PKP4: variants seen among roughly 807,000 people sequenced by gnomAD.
PKP4 encodes the protein plakophilin-4.
Under a neutral mutation model 145.1 loss-of-function variants are expected in PKP4, and 90 were observed. The ratio of observed to expected loss-of-function variants is 0.62; its 90% CI spans 0.52 to 0.74. The LOEUF is 0.74. Ranked by LOEUF, PKP4 falls within the 30% of genes least tolerant of loss-of-function variation. PKP4 has a pLI of 0.00. For synonymous variants in PKP4, 563 were observed against 577.2 expected, an observed-to-expected ratio of 0.98 and a Z score of 0.35; for missense variants, 1,340 against 1,482.7, an observed-to-expected ratio of 0.90 and a Z score of 1.58.
intron 1 of PKP4, among the ~76,000 whole-genome samples, chr2:158,529,764 C>G (rs531047191): frequency 4.3e-4 from 65 of 152,234 alleles, no homozygotes; most frequent in Non-Finnish European, 5.9e-4. Context: ...AAATACAGGA[C>G]CTTGTATTTA....
At chr2:158,565,178 A>C (rs10933491) in intron 2 of PKP4, among the ~76,000 whole-genome samples, 1 of 151,916 alleles carries the variant, frequency 6.6e-6, no homozygotes, top group Non-Finnish European at 1.5e-5. Flanking sequence ...TAGAGTGCCC[A>C]ACCCACAGAT....
intron 3 of PKP4, among the ~76,000 whole-genome samples, chr2:158,585,359 AGAAAAGAACTGGTTTATTTTAAT>A (rs918406820): frequency 2.6e-5 from 4 of 152,210 alleles, no homozygotes; most frequent in African/African-American, 9.6e-5. Context: ...CTACCACTTA[AGAAAAGAACTGGTTTATTTTAAT>A]GAAAATATTT....
chr2:158,658,636 G>A (rs190726744), intron 12 of PKP4: 2 of 214,668 alleles, frequency 9.3e-6, no homozygotes, highest in Non-Finnish European at 1.8e-5. Context: ...TAATGTGTTT[G>A]CAGCCTGCTG....
At chr2:158,549,358 G>T (rs2045383355) in intron 2 of PKP4, 1 of 152,112 alleles carries the variant, frequency 6.6e-6, no homozygotes, top group Admixed American at 6.5e-5. Context: ...TAAAAAATAG[G>T]CTTGAGTCAG....
At chr2:158,678,769 C>T in intron 21 of PKP4, 115 bp downstream of exon 21, 2 of 753,508 alleles carry the variant, frequency 2.7e-6, no homozygotes, top group East Asian at 2.6e-5. Context: ...AGATGCTTTC[C>T]CTGGGGATCT....
chr2:158,611,576 G>A (rs576596907), intron 4 of PKP4, among the ~76,000 whole-genome samples: 2 of 152,218 alleles, frequency 1.3e-5, no homozygotes, highest in African/African-American at 4.8e-5. Flanking sequence ...AAATTCATCA[G>A]CACATCATGA....
chr2:158,503,737 T>C (rs1696910441), intron 1 of PKP4, among the ~76,000 whole-genome samples: 1 of 152,214 alleles, frequency 6.6e-6, no homozygotes, highest in Non-Finnish European at 1.5e-5. Flanking sequence ...CTTTTAATTG[T>C]ATACACAATT....
Position 158,670,220 on chromosome 2 carries a change from A to G in PKP4, c.2924+305A>G, listed in dbSNP as rs960414111. Reference sequence around the variant, plus strand: ...TTGTGAACTGGGTGGCTTATAAACAACAGAAATTTATTTCTCACAGTTCTA... The same window carrying G: ...TTGTGAACTGGGTGGCTTATAAACAGCAGAAATTTATTTCTCACAGTTCTA... On this transcript the variant is annotated intron_variant, in intron 17 of 21. Coordinates refer to ENST00000389759, the MANE Select transcript of PKP4 (RefSeq NM_003628.6). 2.0e-5 allele frequency among the ~76,000 whole-genome samples: 3 copies of G among 152,182 alleles called. No homozygotes were observed. The East Asian group carries it at 5.8e-4, about 29-fold the overall frequency.
intron 1 of PKP4, among the ~76,000 whole-genome samples, chr2:158,508,873 A>G (rs2041247885): frequency 6.6e-6 from 1 of 152,194 alleles, no homozygotes; most frequent in South Asian, 2.1e-4. Context: ...AAAGTCATCT[A>G]ACATGTGTTC....
chr2:158,660,727 G>A (rs1271249398), intron 12 of PKP4: 2 of 152,174 alleles, frequency 1.3e-5, no homozygotes, highest in Non-Finnish European at 2.9e-5. Context: ...AAAAGTTTTA[G>A]CATAAGCAAA....
intron 1 of PKP4, among the ~76,000 whole-genome samples, chr2:158,507,682 C>T (rs929710819): frequency 6.6e-6 from 1 of 152,114 alleles, no homozygotes; most frequent in Non-Finnish European, 1.5e-5. Context: ...CTGAAGTTAA[C>T]ATTGATGTCT....
At chr2:158,481,597 G>A (rs775723284) in intron 1 of PKP4, among the ~76,000 whole-genome samples, 2 of 152,178 alleles carry the variant, frequency 1.3e-5, no homozygotes, top group Non-Finnish European at 2.9e-5. Context: ...GGTGTTAAGT[G>A]ATACCTCATA....
At chr2:158,467,232 C>T (rs1189721179) in intron 1 of PKP4, among the ~76,000 whole-genome samples, 2 of 151,992 alleles carry the variant, frequency 1.3e-5, no homozygotes, top group Non-Finnish European at 2.9e-5. Flanking sequence ...ATTGTTTTCC[C>T]CAGTGGTAAC....
intron 1 of PKP4, among the ~76,000 whole-genome samples, chr2:158,485,320 A>G (rs1324706006): frequency 6.6e-6 from 1 of 152,196 alleles, no homozygotes; most frequent in African/African-American, 2.4e-5. Context: ...GCCCTGTTTT[A>G]CAGACGAAAA....
intron 3 of PKP4, among the ~76,000 whole-genome samples, chr2:158,601,263 A>G (rs1413004784): frequency 6.6e-6 from 1 of 152,186 alleles, no homozygotes; most frequent in Non-Finnish European, 1.5e-5. Context: ...TATAAGTTTC[A>G]AACTCAGAAG....
At chr2:158,584,806 C>A in intron 3 of PKP4, among the ~76,000 whole-genome samples, 1 of 152,160 alleles carries the variant, frequency 6.6e-6, no homozygotes, top group Non-Finnish European at 1.5e-5. Flanking sequence ...CTGTTCTTGA[C>A]AACAGACTTG....
intron 21 of PKP4, 125 bp from the exon 22 acceptor site, chr2:158,680,304 A>C: frequency 1.4e-6 from 1 of 735,514 alleles, no homozygotes; most frequent in Non-Finnish European, 2.2e-6. Flanking sequence ...ACAGCTTTTA[A>C]CCTTAAACTG....
At position 158,634,299 on chromosome 2, in the gene PKP4, A is replaced by G. The variant is rs775503332; in HGVS notation, c.1562+10A>G. The G allele has an allele frequency of 1.9e-6, 3 of 1,609,440 alleles. No homozygotes were observed. The Admixed American group carries it at 5.0e-5, about 27-fold the overall frequency. On this transcript the variant is annotated intron_variant, in intron 9 of 21. Coordinates refer to ENST00000389759, the MANE Select transcript of PKP4 (RefSeq NM_003628.6). ...TTCAGAAGGACCCCAGGCGAGTACC[A>G]GTTAGGAGTCTCTAGAAGGCTACAG...
At chr2:158,479,732 G>A (rs1342070365) in intron 1 of PKP4, among the ~76,000 whole-genome samples, 1 of 152,118 alleles carries the variant, frequency 6.6e-6, no homozygotes, top group African/African-American at 2.4e-5. Flanking sequence ...ATTGATGGCA[G>A]GTGAATAAAA....
Sources: gnomAD v4.1 joint callset for allele counts (sites outside exome capture counted in the v4.1 genomes callset) on GRCh38, gnomAD v4.1.1 for gene constraint, MANE v1.5 for transcripts, NCBI Gene and HGNC (gene_info 2026-07-23, HGNC 2026-07-21) for gene names.